Variants in DNAH14 observed in about 807,000 individuals in gnomAD.
DNAH14 encodes the protein axonemal beta dynein heavy chain 14.
DNAH14 carries 478 observed loss-of-function variants against 520.9 expected under a neutral mutation model. The ratio of observed to expected loss-of-function variants is 0.92; its 90% CI spans 0.85 to 0.99. The LOEUF (loss-of-function observed/expected upper bound fraction) is 0.99, where lower values mean the gene tolerates loss of function less well. Ranked by LOEUF, DNAH14 falls within the 50% of genes least tolerant of loss-of-function variation. DNAH14 has a pLI of 0.00. For synonymous variants in DNAH14, 1,581 were observed against 1,757.2 expected (o/e 0.90, Z 2.51); for missense variants, 4,831 against 5,234.5 (o/e 0.92, Z 2.38).
At chr1:225,355,982 A>G (rs900465705) in intron 73 of DNAH14, among the ~76,000 whole-genome samples, 6 of 152,174 alleles carry the variant, frequency 3.9e-5, no homozygotes, top group African/African-American at 1.2e-4. Context: ...TATTTCACAT[A>G]GCATGATGTT....
intron 8 of DNAH14, among the ~76,000 whole-genome samples, chr1:224,976,252 T>A (rs1426545671): frequency 6.6e-6 from 1 of 152,192 alleles, no homozygotes; most frequent in African/African-American, 2.4e-5. Flanking sequence ...CTCCTTGGTG[T>A]AGAGCTGAGT....
At chr1:224,931,295 A>C (rs1253742318) in intron 1 of DNAH14, among the ~76,000 whole-genome samples, 1 of 152,190 alleles carries the variant, frequency 6.6e-6, no homozygotes, top group African/African-American at 2.4e-5. Context: ...GTAAGAAATA[A>C]AGTTTATAAA....
At chr1:225,234,738 T>C (rs144898832) in intron 42 of DNAH14, among the ~76,000 whole-genome samples, 1 of 152,344 alleles carries the variant, frequency 6.6e-6, no homozygotes, top group Non-Finnish European at 1.5e-5. Flanking sequence ...TGGTTTGTAG[T>C]TCTCCTTGAA....
intron 49 of DNAH14, among the ~76,000 whole-genome samples, chr1:225,269,172 C>T (rs1378354858): frequency 5.9e-5 from 9 of 152,120 alleles, no homozygotes; most frequent in Non-Finnish European, 1.2e-4. Context: ...AGAAATAATG[C>T]CACACGTCTA....
chr1:225,380,445 G>C lies in DNAH14; in HGVS notation c.12880+123G>C, dbSNP rs151260276. On this transcript the variant is annotated intron_variant, in intron 80 of 85. Transcript: ENST00000682510. ...GAAGTGAAAATACTGAGATAAGATG[G>C]AAAACTCAGTCTCTGCCTCCTCTCT... 263 of 1,130,230 alleles carry C rather than the reference G, an allele frequency of 2.3e-4. No homozygotes were observed. The African/African-American group carries it at 3.4e-3, about 15-fold the overall frequency. 70.0% of individuals were successfully genotyped at this position (1,130,230 alleles called of 1,614,324 possible).
At chr1:225,096,241 C>T (rs2074954357) in intron 21 of DNAH14, among the ~76,000 whole-genome samples, 1 of 152,118 alleles carries the variant, frequency 6.6e-6, no homozygotes, top group Admixed American at 6.6e-5. Flanking sequence ...CTCAGCCTCC[C>T]AAAGTGCTGG....
At chr1:224,956,386 C>T (rs1469017549) in intron 3 of DNAH14, among the ~76,000 whole-genome samples, 2 of 152,164 alleles carry the variant, frequency 1.3e-5, no homozygotes, top group Non-Finnish European at 2.9e-5. Context: ...TGTATTTTCA[C>T]TGTACCTTTT....
intron 10 of DNAH14, among the ~76,000 whole-genome samples, chr1:225,014,438 G>C (rs1010022848): frequency 6.6e-5 from 10 of 151,356 alleles, no homozygotes; most frequent in Non-Finnish European, 1.3e-4. Flanking sequence ...TTTAATGTAG[G>C]CACTTATTGC....
intron 41 of DNAH14, among the ~76,000 whole-genome samples, chr1:225,224,633 A>T (rs1244328986): frequency 2.0e-5 from 3 of 152,152 alleles, no homozygotes; most frequent in Non-Finnish European, 2.9e-5. Context: ...CTGAGAAACT[A>T]ATTCAGTTCT....
chr1:224,968,613 C>T lies in DNAH14; in HGVS notation c.652-146C>T, dbSNP rs1169635283. The T allele has an allele frequency of 1.1e-5, 6 of 522,056 alleles. 1 individual carries two copies. Among genetic ancestry groups the T allele is most frequent in the Non-Finnish European group, 2.0e-5 (6 of 302,030 alleles). 32.3% of individuals were successfully genotyped at this position (522,056 alleles called of 1,614,324 possible). A position where few individuals can be genotyped will look rare whatever the true frequency, so the allele number is the denominator to read the frequency against. ...TCAAATTTGGGTATAGATAAAGTGG[C>T]TGAGGATTCATACATAGAAAAAGCT... On this transcript the variant is annotated intron_variant, in intron 6 of 85. Transcript: ENST00000682510.
chr1:225,279,151 G>A (rs2093567181), intron 54 of DNAH14, among the ~76,000 whole-genome samples: 1 of 152,054 alleles, frequency 6.6e-6, no homozygotes, highest in Non-Finnish European at 1.5e-5. Flanking sequence ...GATTACAGGT[G>A]CCTGCCACCA....
intron 60 of DNAH14, among the ~76,000 whole-genome samples, chr1:225,311,894 G>T (rs1325088309): frequency 6.6e-6 from 1 of 152,022 alleles, no homozygotes; most frequent in Non-Finnish European, 1.5e-5. Context: ...CTCCAGCTTT[G>T]TTCTTTTTGC....
At chr1:225,363,241 A>G (rs899340628) in intron 75 of DNAH14, among the ~76,000 whole-genome samples, 1 of 152,196 alleles carries the variant, frequency 6.6e-6, no homozygotes. Context: ...TAAATAGTTC[A>G]GTGTTCATTG....
chr1:225,321,566 C>T (rs1339965919), intron 61 of DNAH14, among the ~76,000 whole-genome samples: 9 of 152,306 alleles, frequency 5.9e-5, no homozygotes, highest in Middle Eastern at 3.4e-3. Context: ...CTTGGTGAGG[C>T]TCATTACCCA....
At position 225,152,079 on chromosome 1, in the gene DNAH14, TATCAGTAA is replaced by T. The variant is rs1211938322; in HGVS notation, c.5009+10_5009+17del. The T allele has an allele frequency of 2.6e-6, 4 of 1,547,668 alleles. No individual in the cohort carries two copies. In the African/African-American group the frequency reaches 5.5e-5, roughly 21 times the overall value. ...TTTATCACCATGAATCCCAGGTAAG[TATCAGTAA>T]ATCTAGTGGGAATAGACACAGACAA... On this transcript the variant is annotated splice_region_variant and intron_variant, in intron 32 of 85. Coordinates refer to ENST00000682510, the MANE Select transcript of DNAH14 (RefSeq NM_001367479.1).
intron 12 of DNAH14, among the ~76,000 whole-genome samples, chr1:225,039,387 T>G (rs1031651765): frequency 6.8e-6 from 1 of 146,086 alleles, no homozygotes; most frequent in African/African-American, 2.4e-5. Flanking sequence ...GAATCCTAGA[T>G]AAACTTATTT....
chr1:225,227,331 A>C (rs188477371), intron 41 of DNAH14, among the ~76,000 whole-genome samples: 2 of 152,244 alleles, frequency 1.3e-5, no homozygotes, highest in East Asian at 3.9e-4. Flanking sequence ...TTGAGAATGG[A>C]GAATGGCGAT....
chr1:225,282,443 C>T (rs746465030), intron 54 of DNAH14, among the ~76,000 whole-genome samples: 4 of 152,204 alleles, frequency 2.6e-5, no homozygotes, highest in Non-Finnish European at 5.9e-5. Context: ...GGAAAGGAAG[C>T]TTGAACAATT....
In DNAH14 at chr1:224,933,056, C is replaced by T. The variant is rs371652024; in HGVS notation, c.-34+3221C>T. Among the ~76,000 whole-genome samples, 46 of 152,142 alleles carry T rather than the reference C, an allele frequency of 3.0e-4. 1 individual carries two copies. In the South Asian group the frequency reaches 9.3e-3, roughly 31 times the overall value. ...TTAAATGATATTAATTCTTCCTATC[C>T]ATGAGCATGGGATGCTTTTTTATTA... On this transcript the variant is annotated intron_variant, in intron 1 of 85. Coordinates refer to ENST00000682510, the MANE Select transcript of DNAH14 (RefSeq NM_001367479.1).
Sources: gnomAD v4.1 joint callset for allele counts (sites outside exome capture counted in the v4.1 genomes callset) on GRCh38, gnomAD v4.1.1 for gene constraint, MANE v1.5 for transcripts, NCBI Gene and HGNC (gene_info 2026-07-23, HGNC 2026-07-21) for gene names.